FMN1: variants seen among roughly 807,000 people sequenced by gnomAD.
FMN1 encodes formin-1.
In FMN1, 110 loss-of-function variants were observed where a neutral mutation model predicts 132.4. The observed-to-expected ratio is 0.83, with a 90% CI of 0.71 to 0.97. FMN1 has a LOEUF of 0.97. FMN1 is among the 50% of genes least tolerant of loss of function. FMN1 has a pLI of 0.00. For synonymous variants in FMN1, 722 were observed against 651.7 expected, an observed-to-expected ratio of 1.11 and a Z score of -1.64; for missense variants, 1,792 against 1,705.3, an observed-to-expected ratio of 1.05 and a Z score of -0.90.
chr15:32,887,405 G>A (rs2059921793), intron 16 of FMN1, among the ~76,000 whole-genome samples: 1 of 152,044 alleles, frequency 6.6e-6, no homozygotes, highest in South Asian at 2.1e-4. Flanking sequence ...TGTCTCCACA[G>A]TAAAAACACG....
chr15:32,886,386 A>G (rs550562579), intron 16 of FMN1, among the ~76,000 whole-genome samples: 1 of 152,284 alleles, frequency 6.6e-6, no homozygotes, highest in South Asian at 2.1e-4. Flanking sequence ...ACCTGCTTCA[A>G]AAGCTCTTGT....
chr15:32,927,855 C>G (rs1596292250), intron 9 of FMN1, among the ~76,000 whole-genome samples: 1 of 152,230 alleles, frequency 6.6e-6, no homozygotes, highest in Admixed American at 6.5e-5. Flanking sequence ...AAAATACAAA[C>G]TAGGCTGAAC....
At chr15:33,086,695 T>C (rs1478083280) in intron 5 of FMN1, among the ~76,000 whole-genome samples, 1 of 152,256 alleles carries the variant, frequency 6.6e-6, no homozygotes, top group Non-Finnish European at 1.5e-5. Flanking sequence ...CAGATGTCAC[T>C]GTTACACTTC....
intron 11 of FMN1, among the ~76,000 whole-genome samples, 181 bp downstream of exon 11, chr15:32,910,293 C>G (rs555161035): frequency 6.6e-6 from 1 of 152,328 alleles, no homozygotes; most frequent in South Asian, 2.1e-4. Flanking sequence ...CCAGATACCA[C>G]AGTGGGAGTC....
intron 2 of FMN1, among the ~76,000 whole-genome samples, chr15:33,181,707 C>CTTTTTT (rs753993602): frequency 5.5e-5 from 7 of 126,216 alleles, no homozygotes; most frequent in Non-Finnish European, 1.2e-4. Context: ...TTTTTTCTTT[C>CTTTTTT]TTTTTTTTTT....
At chr15:32,795,454 T>C (rs1354512784) in intron 19 of FMN1, among the ~76,000 whole-genome samples, 2 of 152,130 alleles carry the variant, frequency 1.3e-5, no homozygotes, top group Non-Finnish European at 2.9e-5. Context: ...TCTAGATTCA[T>C]AGAGATTTTG....
chr15:32,854,438 T>C (rs1223630952), intron 17 of FMN1, among the ~76,000 whole-genome samples: 1 of 152,252 alleles, frequency 6.6e-6, no homozygotes, highest in Admixed American at 6.5e-5. Context: ...CAATAGTATA[T>C]ATATTTTTAT....
At position 33,048,644 on chromosome 15, in the gene FMN1, A is replaced by AACAAAAAAAAAACAAAAAC. The variant is rs1555388955; in HGVS notation, c.2161+16312_2161+16313insGTTTTTGTTTTTTTTTTGT. Among the ~76,000 whole-genome samples, 115 of 86,942 alleles carry AACAAAAAAAAAACAAAAAC rather than the reference A, an allele frequency of 1.3e-3. 10 individuals carry two copies. Among genetic ancestry groups the AACAAAAAAAAAACAAAAAC allele is most frequent in the South Asian group, 3.4e-3 (11 of 3,248 alleles). The allele number at this position is 86,942 out of a possible 152,430, so 57.0% of individuals were successfully genotyped here. A position where few individuals can be genotyped will look rare whatever the true frequency, so the allele number is the denominator to read the frequency against. On this transcript the variant is annotated intron_variant, in intron 6 of 20. Coordinates refer to ENST00000616417, the MANE Select transcript of FMN1 (RefSeq NM_001277313.2). ...TGGGCAATTTACCAAAAAAAAAAAA[A>AACAAAAAAAAAACAAAAAC]AAAAACCAACAGTTTAATGGACTTA...
At chr15:33,186,869 C>T (rs1965906100) in intron 2 of FMN1, among the ~76,000 whole-genome samples, 1 of 152,160 alleles carries the variant, frequency 6.6e-6, no homozygotes, top group Admixed American at 6.5e-5. Context: ...CAGGTATCTC[C>T]CTGGAGCACT....
intron 16 of FMN1, among the ~76,000 whole-genome samples, chr15:32,862,901 C>A (rs1382417390): frequency 1.3e-5 from 2 of 152,122 alleles, no homozygotes; most frequent in African/African-American, 4.8e-5. Flanking sequence ...AAGTCTTACC[C>A]CACCCTTCCA....
intron 7 of FMN1, among the ~76,000 whole-genome samples, chr15:32,981,563 TTAC>T (rs1422354215): frequency 6.8e-6 from 1 of 147,214 alleles, no homozygotes; most frequent in Non-Finnish European, 1.5e-5. Flanking sequence ...ATTATTATTA[TTAC>T]ATTCTGTGCT....
intron 16 of FMN1, among the ~76,000 whole-genome samples, chr15:32,880,292 ATTTT>A (rs201366333): frequency 1.3e-5 from 2 of 151,498 alleles, no homozygotes; most frequent in African/African-American, 2.4e-5. Flanking sequence ...TGCTCTCAGA[ATTTT>A]TTTTTCTGAT....
intron 7 of FMN1, among the ~76,000 whole-genome samples, chr15:32,979,037 T>C (rs939955515): frequency 2.0e-5 from 3 of 152,216 alleles, no homozygotes; most frequent in African/African-American, 4.8e-5. Flanking sequence ...ACTAGAAAAA[T>C]AGTTCCCGCA....
chr15:32,778,703 T>C (rs1003361157), intron 19 of FMN1, among the ~76,000 whole-genome samples: 9 of 152,128 alleles, frequency 5.9e-5, no homozygotes, highest in Admixed American at 4.6e-4. Flanking sequence ...TATACACTGT[T>C]GATGTGATTG....
rs750141385 is a variant in FMN1, at chr15:32,968,868, CAGG to C, written c.2830_2832del (p.Pro944del). 8.7e-7 allele frequency: 1 copy of C among 1,152,978 alleles called. No homozygotes were observed. The highest frequency in any genetic ancestry group is 2.2e-5 in the Admixed American group (1 of 45,224). The allele number at this position is 1,152,978 out of a possible 1,614,324, so 71.4% of individuals were successfully genotyped here. ...GGTGCAAGTCCTGGGGGTGGTGGAG[CAGG>C]AGGAGGCCCTCCAGGGTTGGGTGGG... On this transcript the variant is annotated inframe_deletion, in exon 8 of 21. Coordinates refer to ENST00000616417, the MANE Select transcript of FMN1 (RefSeq NM_001277313.2).
chr15:33,001,996 G>A (rs75681050), intron 7 of FMN1, among the ~76,000 whole-genome samples: 17 of 152,152 alleles, frequency 1.1e-4, no homozygotes, highest in African/African-American at 4.1e-4. Flanking sequence ...TTGCTGGTGG[G>A]GGAAACTGAA....
intron 6 of FMN1, among the ~76,000 whole-genome samples, chr15:33,034,746 T>A (rs1223381756): frequency 6.6e-6 from 1 of 152,176 alleles, no homozygotes; most frequent in Non-Finnish European, 1.5e-5. Flanking sequence ...TATAATCTCT[T>A]GCCTGTATTA....
intron 19 of FMN1, among the ~76,000 whole-genome samples, chr15:32,795,749 G>T (rs1335590607): frequency 6.6e-6 from 1 of 152,174 alleles, no homozygotes; most frequent in Non-Finnish European, 1.5e-5. Flanking sequence ...GGGGCAGCAC[G>T]ATGACTGAGT....
chr15:33,190,999 T>C (rs1595620483), intron 2 of FMN1, among the ~76,000 whole-genome samples: 1 of 152,170 alleles, frequency 6.6e-6, no homozygotes, highest in East Asian at 1.9e-4. Flanking sequence ...TGAAACCCCA[T>C]CTCTACTAAA....
Sources: gnomAD v4.1 joint callset for allele counts (sites outside exome capture counted in the v4.1 genomes callset) on GRCh38, gnomAD v4.1.1 for gene constraint, MANE v1.5 for transcripts, NCBI Gene and HGNC (gene_info 2026-07-23, HGNC 2026-07-21) for gene names.